PIGU: variants seen among roughly 807,000 people sequenced by gnomAD.
PIGU encodes the protein GPI-anchor transamidase component PIGU.
In PIGU, 24 loss-of-function variants were observed where a neutral mutation model predicts 49.9. The observed-to-expected ratio is 0.48, with a 90% CI of 0.35 to 0.68. PIGU has a LOEUF of 0.68. Ranked by LOEUF, PIGU falls within the 30% of genes least tolerant of loss-of-function variation. PIGU has a pLI of 0.01. For missense variants in PIGU, 490 were observed against 532.6 expected, an observed-to-expected ratio of 0.92 and a Z score of 0.79; for synonymous variants, 220 against 205.7, an observed-to-expected ratio of 1.07 and a Z score of -0.59.
chr20:34,666,084 G>A (rs1297637672), intron 1 of PIGU, among the ~76,000 whole-genome samples: 12 of 152,090 alleles, frequency 7.9e-5, no homozygotes, highest in South Asian at 2.1e-4. Context: ...TCCTCGGGAA[G>A]CTGAGACAGG....
At chr20:34,597,866 C>T (rs897543967) in intron 7 of PIGU, among the ~76,000 whole-genome samples, 5 of 152,082 alleles carry the variant, frequency 3.3e-5, no homozygotes, top group African/African-American at 9.7e-5. Flanking sequence ...GCAAGCCATA[C>T]ATATGTGGTA....
intron 4 of PIGU, 167 bp downstream of exon 4, chr20:34,643,997 T>C (rs770150401): frequency 1.9e-6 from 1 of 532,076 alleles, no homozygotes; most frequent in Non-Finnish European, 3.5e-6. Context: ...AGCTGTCTTG[T>C]GGGTTTGGGG....
chr20:34,617,510 G>A (rs961877633), intron 6 of PIGU, among the ~76,000 whole-genome samples: 15 of 152,170 alleles, frequency 9.9e-5, no homozygotes, highest in African/African-American at 3.6e-4. Context: ...CCTTTGGTTT[G>A]GCCAATTTCT....
chr20:34,583,859 C>A (rs1983585562), intron 9 of PIGU, among the ~76,000 whole-genome samples: 1 of 152,228 alleles, frequency 6.6e-6, no homozygotes, highest in African/African-American at 2.4e-5. Flanking sequence ...GAATGGGAAC[C>A]ACGTGCATTG....
At chr20:34,641,613 G>C (rs1986166372) in intron 4 of PIGU, among the ~76,000 whole-genome samples, 1 of 152,150 alleles carries the variant, frequency 6.6e-6, no homozygotes, top group Admixed American at 6.5e-5. Context: ...TGGGGGTGCA[G>C]TCCCCTCTCT....
intron 6 of PIGU, among the ~76,000 whole-genome samples, chr20:34,620,022 T>C (rs993988825): frequency 6.6e-6 from 1 of 152,158 alleles, no homozygotes; most frequent in African/African-American, 2.4e-5. Flanking sequence ...CCAGCAGCTT[T>C]TCCCCCTCCT....
intron 1 of PIGU, among the ~76,000 whole-genome samples, chr20:34,674,989 C>G: frequency 6.7e-6 from 1 of 150,240 alleles, no homozygotes. Flanking sequence ...CGGCTCACAC[C>G]TGTAATCCCA....
intron 11 of PIGU, among the ~76,000 whole-genome samples, chr20:34,574,693 A>G (rs1412355041): frequency 1.3e-5 from 2 of 150,752 alleles, no homozygotes; most frequent in Admixed American, 6.6e-5. Context: ...CACTCTATCT[A>G]CTCCCTATGG....
chr20:34,666,842 G>A (rs1464666227), intron 1 of PIGU, among the ~76,000 whole-genome samples: 1 of 151,770 alleles, frequency 6.6e-6, no homozygotes, highest in Non-Finnish European at 1.5e-5. Flanking sequence ...GACTCCAGGC[G>A]CCTGCCACCA....
At chr20:34,574,377 T>G (rs1263492699) in intron 11 of PIGU, among the ~76,000 whole-genome samples, 1 of 152,192 alleles carries the variant, frequency 6.6e-6, no homozygotes, top group Non-Finnish European at 1.5e-5. Flanking sequence ...GGCTGCAACA[T>G]AATTGCAGAG....
intron 1 of PIGU, among the ~76,000 whole-genome samples, chr20:34,672,709 T>C (rs967506974): frequency 1.3e-5 from 2 of 151,346 alleles, no homozygotes; most frequent in African/African-American, 4.9e-5. Context: ...TAAAAAACAA[T>C]TAGCAAAGTG....
At chr20:34,658,208 C>T (rs966588179) in intron 1 of PIGU, among the ~76,000 whole-genome samples, 2 of 152,194 alleles carry the variant, frequency 1.3e-5, no homozygotes, top group African/African-American at 2.4e-5. Context: ...TTGGCCGGGC[C>T]GGTCTCCAGC....
intron 7 of PIGU, among the ~76,000 whole-genome samples, chr20:34,588,880 T>A (rs1202547146): frequency 1.3e-5 from 2 of 152,152 alleles, no homozygotes; most frequent in Non-Finnish European, 2.9e-5. Context: ...TGCACCATTG[T>A]TTGGAATATC....
intron 1 of PIGU, among the ~76,000 whole-genome samples, chr20:34,668,484 G>GC (rs1491314056): frequency 5.1e-5 from 2 of 39,298 alleles, no homozygotes; most frequent in Non-Finnish European, 9.6e-5. Context: ...AAAAAAAAAA[G>GC]GGGGGGGCGG....
chr20:34,672,491 C>T (rs975943843), intron 1 of PIGU, among the ~76,000 whole-genome samples: 3 of 151,928 alleles, frequency 2.0e-5, no homozygotes, highest in East Asian at 1.9e-4. Flanking sequence ...AGTAATTGAC[C>T]GAAGAATTGG....
intron 5 of PIGU, among the ~76,000 whole-genome samples, chr20:34,635,352 A>G (rs1568651335): frequency 6.6e-6 from 1 of 152,220 alleles, no homozygotes; most frequent in Non-Finnish European, 1.5e-5. Flanking sequence ...CAAGGACAGA[A>G]TAAGTATCTA....
chr20:34,676,894 A>G, intron 1 of PIGU, 62 bp downstream of exon 1: 5 of 1,519,516 alleles, frequency 3.3e-6, no homozygotes, highest in South Asian at 1.2e-5. Flanking sequence ...CCCGCCTCCC[A>G]TTCACAGAGG....
chr20:34,583,607 C>G (rs73105035), intron 9 of PIGU, among the ~76,000 whole-genome samples: 3 of 152,216 alleles, frequency 2.0e-5, no homozygotes, highest in African/African-American at 7.2e-5. Context: ...ATAAAAGCTG[C>G]CGGAGAGCTG....
At chr20:34,661,357 TC>T (rs1986922160) in intron 1 of PIGU, among the ~76,000 whole-genome samples, 1 of 152,046 alleles carries the variant, frequency 6.6e-6, no homozygotes. Context: ...ATCTTCACCC[TC>T]CTCCCACCCT....
Sources: gnomAD v4.1 joint callset for allele counts (sites outside exome capture counted in the v4.1 genomes callset) on GRCh38, gnomAD v4.1.1 for gene constraint, MANE v1.5 for transcripts, NCBI Gene and HGNC (gene_info 2026-07-23, HGNC 2026-07-21) for gene names.